Variants in RAB7A observed in about 807,000 individuals in gnomAD.
RAB7A encodes RAB7A, member RAS oncogene family.
In RAB7A, 2 loss-of-function variants were observed where a neutral mutation model predicts 24.5. That is an observed-to-expected ratio of 0.08 (90% CI 0.03 to 0.26). The LOEUF (loss-of-function observed/expected upper bound fraction) is 0.26. RAB7A is among the 10% of genes least tolerant of loss of function. The pLI, the probability that RAB7A is intolerant of heterozygous loss-of-function variation, is 1.00. For missense variants in RAB7A, 118 were observed against 255.7 expected (o/e 0.46, Z 3.67); for synonymous variants, 100 against 95.9 (o/e 1.04, Z -0.25).
chr3:128,774,459 A>G (rs962533775), intron 1 of RAB7A, among the ~76,000 whole-genome samples: 1 of 149,632 alleles, frequency 6.7e-6, no homozygotes, highest in African/African-American at 2.5e-5. Flanking sequence ...AGGCTCTTGG[A>G]TCTTTTTTTT....
chr3:128,791,175 CTTG>C (rs897348204), intron 1 of RAB7A, among the ~76,000 whole-genome samples: 2 of 151,654 alleles, frequency 1.3e-5, no homozygotes, highest in African/African-American at 4.8e-5. Flanking sequence ...CAATTTTGCT[CTTG>C]TTGCCCAGGC....
chr3:128,740,960 A>G (rs2070547443), intron 1 of RAB7A, among the ~76,000 whole-genome samples: 1 of 151,416 alleles, frequency 6.6e-6, no homozygotes, highest in South Asian at 2.1e-4. Context: ...TAAACTAGAA[A>G]AATACTAACT....
chr3:128,763,591 T>G (rs1476120040), intron 1 of RAB7A, among the ~76,000 whole-genome samples: 1 of 152,158 alleles, frequency 6.6e-6, no homozygotes, highest in East Asian at 1.9e-4. Flanking sequence ...TTAGAGACAG[T>G]AAGTTTAATC....
At chr3:128,811,401 A>G (rs888659883) in intron 5 of RAB7A, among the ~76,000 whole-genome samples, 9 of 152,370 alleles carry the variant, frequency 5.9e-5, no homozygotes, top group Admixed American at 5.9e-4. Context: ...TCAAATGTCC[A>G]TCAACTGGTA....
chr3:128,759,268 G>T (rs2070757361), intron 1 of RAB7A, among the ~76,000 whole-genome samples: 1 of 152,210 alleles, frequency 6.6e-6, no homozygotes, highest in South Asian at 2.1e-4. Flanking sequence ...TCATAATGTG[G>T]CAGGAATTCA....
intron 1 of RAB7A, among the ~76,000 whole-genome samples, chr3:128,747,058 G>A (rs2070624757): frequency 6.6e-6 from 1 of 151,646 alleles, no homozygotes; most frequent in South Asian, 2.1e-4. Context: ...TGTAATCCCA[G>A]CACTTTGGGA....
intron 1 of RAB7A, among the ~76,000 whole-genome samples, chr3:128,770,373 C>T (rs1176671985): frequency 1.3e-5 from 2 of 152,312 alleles, no homozygotes; most frequent in East Asian, 3.9e-4. Context: ...TTGATCTAGT[C>T]TCTTGAGGCC....
intron 5 of RAB7A, among the ~76,000 whole-genome samples, chr3:128,812,018 AACTAC>A (rs1187904766): frequency 6.6e-6 from 1 of 152,128 alleles, no homozygotes; most frequent in East Asian, 1.9e-4. Flanking sequence ...GGTGGGAAGG[AACTAC>A]TAATGGGCAT....
Position 128,813,571 on chromosome 3 carries a change from A to T in RAB7A, c.*149A>T. 1 of 711,920 alleles carries T rather than the reference A, an allele frequency of 1.4e-6. No homozygotes were observed. The highest frequency in any genetic ancestry group is 1.5e-5 in the South Asian group (1 of 68,032). The allele number at this position is 711,920 out of a possible 1,614,324, so 44.1% of individuals were successfully genotyped here. A position where few individuals can be genotyped will look rare whatever the true frequency, so the allele number is the denominator to read the frequency against. ...AGAAAACCCCATCAAACACAGTTAC[A>T]CCCCACATATCTCTCACACACACAC... On this transcript the variant is annotated 3_prime_UTR_variant, in exon 6 of 6. Transcript: ENST00000265062.
intron 1 of RAB7A, among the ~76,000 whole-genome samples, chr3:128,793,692 T>C (rs577588134): frequency 3.9e-5 from 6 of 152,170 alleles, no homozygotes; most frequent in East Asian, 1.9e-4. Flanking sequence ...GCTCCACATA[T>C]AATGGATAGT....
intron 1 of RAB7A, among the ~76,000 whole-genome samples, chr3:128,768,048 C>T (rs1476973054): frequency 6.6e-6 from 1 of 152,066 alleles, no homozygotes; most frequent in Non-Finnish European, 1.5e-5. Flanking sequence ...CCTGAAGTAT[C>T]CCAGTATTTC....
At chr3:128,782,743 C>T (rs988193297) in intron 1 of RAB7A, among the ~76,000 whole-genome samples, 1 of 151,980 alleles carries the variant, frequency 6.6e-6, no homozygotes, top group Non-Finnish European at 1.5e-5. Flanking sequence ...ATTTTGTTTA[C>T]TCTCTTCAAC....
Position 128,813,414 on chromosome 3 carries a change from A to G in RAB7A, c.616A>G (p.Ser206Gly), listed in dbSNP as rs1933969444. Residue 206 changes from serine to glycine, a missense_variant, in exon 6 of 6, where the codon AGT (serine) becomes GGT (glycine). Around this residue, in one of 2 missense-constraint regions of RAB7A, gnomAD observed 66 missense variants for 82.2 expected, o/e 0.80. Transcript: ENST00000265062. ...GGCCAAGGCCTCGGCAGAAAGCTGC[A>G]GTTGCTGAGGGGGCAGTGAGAGTTG... The part of the protein sequence containing the change: ...DRAKASAESC[S>G]C The G allele has an allele frequency of 6.2e-7, 1 of 1,614,128 alleles. No homozygotes were observed. Among genetic ancestry groups the G allele is most frequent in the Non-Finnish European group, 8.5e-7 (1 of 1,179,974 alleles).
intron 1 of RAB7A, among the ~76,000 whole-genome samples, chr3:128,791,159 T>A (rs569707317): frequency 1.3e-5 from 2 of 152,178 alleles, no homozygotes; most frequent in African/African-American, 4.8e-5. Context: ...TTTTTTTTTT[T>A]AAAGACAATT....
chr3:128,813,574 C>G lies in RAB7A; in HGVS notation c.*152C>G. The stretch of plus-strand genomic sequence containing the variant: ...AAACCCCATCAAACACAGTTACACC[C>G]CACATATCTCTCACACACACACACA... On this transcript the variant is annotated 3_prime_UTR_variant, in exon 6 of 6. Coordinates refer to ENST00000265062, the MANE Select transcript of RAB7A (RefSeq NM_004637.6). The G allele has an allele frequency of 2.9e-6, 2 of 701,338 alleles. No individual in the cohort carries two copies. Among genetic ancestry groups the G allele is most frequent in the Admixed American group, 2.0e-5 (1 of 49,166 alleles). The allele number at this position is 701,338 out of a possible 1,614,324, so 43.4% of individuals were successfully genotyped here.
At chr3:128,787,321 C>T (rs763754007) in intron 1 of RAB7A, among the ~76,000 whole-genome samples, 20 of 152,342 alleles carry the variant, frequency 1.3e-4, no homozygotes, top group Non-Finnish European at 2.6e-4. Flanking sequence ...GCTATCATTA[C>T]GGTTTTGGAT....
chr3:128,744,157 G>A (rs562576868), intron 1 of RAB7A, among the ~76,000 whole-genome samples: 1 of 152,190 alleles, frequency 6.6e-6, no homozygotes, highest in East Asian at 1.9e-4. Flanking sequence ...GGAGGCTAGA[G>A]TGGGAGGATC....
chr3:128,772,414 GTTT>G (rs1028902872), intron 1 of RAB7A, among the ~76,000 whole-genome samples: 1 of 150,860 alleles, frequency 6.6e-6, no homozygotes, highest in African/African-American at 2.4e-5. Context: ...CTATTGTCTC[GTTT>G]TTTTTTCTTC....
intron 1 of RAB7A, among the ~76,000 whole-genome samples, chr3:128,765,481 C>T (rs935485632): frequency 2.0e-5 from 3 of 152,178 alleles, no homozygotes; most frequent in Non-Finnish European, 4.4e-5. Flanking sequence ...GTCTTAGTTC[C>T]TTTGGGCTAT....
Sources: gnomAD v4.1 joint callset for allele counts (sites outside exome capture counted in the v4.1 genomes callset) on GRCh38, gnomAD v4.1.1 for gene constraint, gnomAD v4.1.1 regional missense constraint, MANE v1.5 for transcripts, NCBI Gene and HGNC (gene_info 2026-07-23, HGNC 2026-07-21) for gene names.